CDH18: variants seen among roughly 807,000 people sequenced by gnomAD.
CDH18 encodes the protein cadherin-18.
CDH18 carries 31 observed loss-of-function variants against 67.9 expected under a neutral mutation model. The ratio of observed to expected loss-of-function variants is 0.46; its 90% CI spans 0.34 to 0.62. CDH18 has a LOEUF of 0.62. Ranked by LOEUF, CDH18 falls within the 20% of genes least tolerant of loss-of-function variation. The pLI is 0.01. For missense variants in CDH18, 890 were observed against 975.5 expected, an observed-to-expected ratio of 0.91 and a Z score of 1.17; for synonymous variants, 362 against 347.2, an observed-to-expected ratio of 1.04 and a Z score of -0.48.
chr5:19,525,903 C>T (rs1747686242), intron 9 of CDH18, among the ~76,000 whole-genome samples: 2 of 152,234 alleles, frequency 1.3e-5, no homozygotes, highest in South Asian at 4.1e-4. Context: ...CCTTAAAGCA[C>T]TATTTCTATT....
chr5:20,460,285 G>A (rs1751157963), intron 1 of CDH18, among the ~76,000 whole-genome samples: 2 of 152,000 alleles, frequency 1.3e-5, no homozygotes, highest in South Asian at 4.2e-4. Context: ...CCAGCTACTT[G>A]GGAGGCTGAG....
chr5:19,643,490 T>C (rs1456361179), intron 5 of CDH18, among the ~76,000 whole-genome samples: 1 of 152,190 alleles, frequency 6.6e-6, no homozygotes, highest in African/African-American at 2.4e-5. Flanking sequence ...TGAAGTGTTA[T>C]TCACCCTTTA....
intron 3 of CDH18, among the ~76,000 whole-genome samples, chr5:19,752,372 G>A (rs1221852311): frequency 1.3e-5 from 2 of 152,056 alleles, no homozygotes; most frequent in Non-Finnish European, 2.9e-5. Context: ...CCTTTGGATT[G>A]TGTGGGAGCT....
Position 19,543,856 on chromosome 5 carries a change from T to G in CDH18, c.1390+13A>C, listed in dbSNP as rs776404302. 1 of 1,561,224 alleles carries G rather than the reference T, an allele frequency of 6.4e-7. No individual in the cohort carries two copies. The highest frequency in any genetic ancestry group is 8.7e-7 in the Non-Finnish European group (1 of 1,148,562). On this transcript the variant is annotated intron_variant, in intron 9 of 12. Transcript: ENST00000382275. ...AAGTGACATCTTTTACTGTGATACA[T>G]AAAGTAGTTTACCAATTTCTGAAGC...
intron 9 of CDH18, among the ~76,000 whole-genome samples, chr5:19,525,255 T>C (rs569898461): frequency 2.0e-5 from 3 of 152,304 alleles, no homozygotes; most frequent in Admixed American, 2.0e-4. Flanking sequence ...GGAATGTCTT[T>C]TCATGCATTC....
chr5:19,748,850 T>G (rs962639181), intron 3 of CDH18, among the ~76,000 whole-genome samples: 1 of 152,136 alleles, frequency 6.6e-6, no homozygotes, highest in Non-Finnish European at 1.5e-5. Context: ...TTCACTTCTT[T>G]CTTGAAAGCA....
chr5:20,332,127 TA>T (rs201647007), intron 1 of CDH18, among the ~76,000 whole-genome samples: 2 of 152,060 alleles, frequency 1.3e-5, no homozygotes, highest in African/African-American at 2.4e-5. Flanking sequence ...TTGATGTCTA[TA>T]AAAAAAATTT....
intron 2 of CDH18, among the ~76,000 whole-genome samples, chr5:20,117,110 A>G (rs1192346829): frequency 6.6e-6 from 1 of 151,958 alleles, no homozygotes; most frequent in Non-Finnish European, 1.5e-5. Context: ...TTTTCCTTCA[A>G]CTTTATCAGT....
intron 3 of CDH18, among the ~76,000 whole-genome samples, chr5:19,778,166 A>G (rs1002281279): frequency 2.0e-5 from 3 of 152,238 alleles, no homozygotes; most frequent in Non-Finnish European, 2.9e-5. Context: ...TACAAAAACT[A>G]CAAAGTAGAA....
intron 2 of CDH18, among the ~76,000 whole-genome samples, chr5:20,191,598 T>C (rs569827601): frequency 6.6e-6 from 1 of 152,176 alleles, no homozygotes; most frequent in East Asian, 1.9e-4. Context: ...CACTTATGAA[T>C]GAGAACATGT....
intron 3 of CDH18, among the ~76,000 whole-genome samples, chr5:19,790,543 G>A (rs1041958790): frequency 2.8e-4 from 42 of 152,112 alleles, no homozygotes; most frequent in African/African-American, 9.7e-4. Flanking sequence ...AGTAACAGTA[G>A]GAGTGTCTAT....
At chr5:19,576,167 CCTT>C (rs1272830032) in intron 7 of CDH18, among the ~76,000 whole-genome samples, 2 of 152,028 alleles carry the variant, frequency 1.3e-5, no homozygotes, top group Admixed American at 1.3e-4. Context: ...TGAGGGGAAA[CCTT>C]CATGACATTG....
chr5:20,486,727 G>C (rs1421777005), intron 1 of CDH18, among the ~76,000 whole-genome samples: 1 of 150,986 alleles, frequency 6.6e-6, no homozygotes, highest in Non-Finnish European at 1.5e-5. Flanking sequence ...GTATGTGTGT[G>C]TGTGTTGTGT....
At chr5:19,599,766 G>A (rs1175140599) in intron 6 of CDH18, among the ~76,000 whole-genome samples, 1 of 152,112 alleles carries the variant, frequency 6.6e-6, no homozygotes, top group East Asian at 1.9e-4. Flanking sequence ...GCCGGGCATG[G>A]TGGTGGAAGA....
chr5:20,470,028 A>C (rs1013403456), intron 1 of CDH18, among the ~76,000 whole-genome samples: 1 of 152,026 alleles, frequency 6.6e-6, no homozygotes, highest in African/African-American at 2.4e-5. Context: ...CTCCTCCACC[A>C]TCTCAATTTC....
chr5:19,702,820 G>A (rs1465529354), intron 5 of CDH18, among the ~76,000 whole-genome samples: 2 of 152,118 alleles, frequency 1.3e-5, no homozygotes, highest in East Asian at 3.9e-4. Flanking sequence ...CACCCACACT[G>A]AAGGTTGTTG....
At chr5:19,579,380 T>A (rs1393093538) in intron 7 of CDH18, among the ~76,000 whole-genome samples, 3 of 151,914 alleles carry the variant, frequency 2.0e-5, no homozygotes, top group Non-Finnish European at 2.9e-5. Context: ...TTCCTTTTTA[T>A]GTATGTGGAT....
chr5:20,256,978 A>AATC (rs77955943), intron 1 of CDH18, among the ~76,000 whole-genome samples: 41,120 of 133,444 alleles, frequency 0.31, 6,579 homozygotes, highest in South Asian at 0.37. Context: ...ATCTATATCT[A>AATC]TATCTATATC....
intron 3 of CDH18, among the ~76,000 whole-genome samples, chr5:19,827,836 C>T (rs1780563859): frequency 6.6e-6 from 1 of 151,932 alleles, no homozygotes; most frequent in Non-Finnish European, 1.5e-5. Flanking sequence ...GCAAACCAAC[C>T]ACAAAGTTTG....
Sources: gnomAD v4.1 joint callset for allele counts (sites outside exome capture counted in the v4.1 genomes callset) on GRCh38, gnomAD v4.1.1 for gene constraint, MANE v1.5 for transcripts, NCBI Gene and HGNC (gene_info 2026-07-23, HGNC 2026-07-21) for gene names.